The following CAMK1D variants were observed in gnomAD, a reference collection of about 807,000 sequenced individuals.
The protein encoded by CAMK1D is calcium/calmodulin dependent protein kinase ID.
In CAMK1D, 9 loss-of-function variants were observed where a neutral mutation model predicts 47.7. That is an observed-to-expected ratio of 0.19 (90% CI 0.11 to 0.33). The LOEUF is 0.33. Among genes scored for constraint, CAMK1D ranks in the 10% least tolerant of loss-of-function variants. CAMK1D has a pLI of 1.00. For synonymous variants in CAMK1D, 184 were observed against 184.9 expected (o/e 0.99, Z 0.04); for missense variants, 291 against 488.7 (o/e 0.60, Z 3.81).
intron 1 of CAMK1D, among the ~76,000 whole-genome samples, chr10:12,400,416 CTT>C (rs1338359513): frequency 2.0e-5 from 3 of 152,124 alleles, no homozygotes; most frequent in Non-Finnish European, 4.4e-5. Flanking sequence ...CTCAGTGACT[CTT>C]TTATTATTTG....
chr10:12,443,685 AGT>A (rs1265886505), intron 1 of CAMK1D, among the ~76,000 whole-genome samples: 2 of 151,946 alleles, frequency 1.3e-5, no homozygotes, highest in Non-Finnish European at 2.9e-5. Flanking sequence ...GCTGGAGTAA[AGT>A]GGAGTGATCT....
At chr10:12,376,544 C>A (rs966946058) in intron 1 of CAMK1D, among the ~76,000 whole-genome samples, 1 of 152,186 alleles carries the variant, frequency 6.6e-6, no homozygotes, top group Admixed American at 6.5e-5. Context: ...TGTGAAGGGT[C>A]TTTGTTAGTT....
At chr10:12,680,199 G>A (rs930041351) in intron 3 of CAMK1D, among the ~76,000 whole-genome samples, 12 of 152,182 alleles carry the variant, frequency 7.9e-5, no homozygotes, top group African/African-American at 2.9e-4. Flanking sequence ...AAGAGATTTG[G>A]GGGAGATCTT....
intron 1 of CAMK1D, among the ~76,000 whole-genome samples, chr10:12,372,287 G>A (rs943915980): frequency 6.6e-6 from 1 of 152,206 alleles, no homozygotes; most frequent in East Asian, 1.9e-4. Context: ...AACCTGCACA[G>A]CCATTCAATA....
chr10:12,634,289 T>C (rs72771758), intron 2 of CAMK1D, among the ~76,000 whole-genome samples: 18,264 of 152,132 alleles, frequency 0.12, 1,250 homozygotes, highest in South Asian at 0.21. Flanking sequence ...CAGTGATTCA[T>C]TGGGGAGAGA....
rs1193924926 is a variant in CAMK1D, at chr10:12,422,188, A to AT, written c.92+72284dup. On this transcript the variant is annotated intron_variant, in intron 1 of 10. Transcript: ENST00000619168. ...CCTTGGGGGCAGGTATTCAGGAGTG[A>AT]TTTTTTCATTGCTATTTGGTGGTTA... is the stretch of plus-strand genomic sequence containing the variant. Among the ~76,000 whole-genome samples the AT allele has an allele frequency of 2.6e-5, 4 of 151,958 alleles. No homozygotes were observed. The East Asian group carries it at 5.8e-4, about 22-fold the overall frequency.
intron 2 of CAMK1D, among the ~76,000 whole-genome samples, chr10:12,641,434 C>T (rs1839662272): frequency 6.6e-6 from 1 of 151,994 alleles, no homozygotes; most frequent in Non-Finnish European, 1.5e-5. Context: ...CCACTCTGGG[C>T]AACATAATGG....
intron 4 of CAMK1D, among the ~76,000 whole-genome samples, chr10:12,764,272 T>C (rs1836639281): frequency 6.7e-6 from 1 of 150,122 alleles, no homozygotes; most frequent in Non-Finnish European, 1.5e-5. Context: ...TCCCAGCTAC[T>C]CAGGAGGCTG....
chr10:12,364,118 TACTG>T (rs1439696296), intron 1 of CAMK1D, among the ~76,000 whole-genome samples: 7 of 152,120 alleles, frequency 4.6e-5, no homozygotes, highest in Admixed American at 3.9e-4. Flanking sequence ...GAGCAGCAAT[TACTG>T]ACCTCATTTA....
chr10:12,663,135 A>AT (rs932657215), intron 2 of CAMK1D, among the ~76,000 whole-genome samples: 24 of 151,484 alleles, frequency 1.6e-4, no homozygotes, highest in Admixed American at 6.6e-4. Flanking sequence ...TGATTTTTGT[A>AT]TTTTTAGTAG....
chr10:12,437,668 A>G (rs962399005), intron 1 of CAMK1D, among the ~76,000 whole-genome samples: 4 of 152,136 alleles, frequency 2.6e-5, no homozygotes, highest in African/African-American at 9.7e-5. Context: ...ACACGTCACC[A>G]TCACCCTGAG....
intron 3 of CAMK1D, among the ~76,000 whole-genome samples, chr10:12,726,142 T>G (rs1276500592): frequency 1.3e-5 from 2 of 151,918 alleles, no homozygotes; most frequent in African/African-American, 4.8e-5. Flanking sequence ...AAGGGAATAC[T>G]GGGCCGGGTG....
intron 1 of CAMK1D, among the ~76,000 whole-genome samples, chr10:12,389,722 C>A (rs184242141): frequency 6.6e-6 from 1 of 152,150 alleles, no homozygotes; most frequent in Non-Finnish European, 1.5e-5. Context: ...TAGATGAAAA[C>A]GCCCTCTCTG....
At chr10:12,827,303 C>T (rs915473178) in intron 10 of CAMK1D, among the ~76,000 whole-genome samples, 15 of 82,296 alleles carry the variant, frequency 1.8e-4, no homozygotes, top group South Asian at 7.0e-4. Context: ...TTCTTTCTCT[C>T]TCTTTTTCTT....
rs1205140483 is a variant in CAMK1D, at chr10:12,830,803, A to G, written c.*1916A>G. ...CAGTAACGCTGCTGGCTGTGTCCTC[A>G]TGCCCTCTTCCTCTGGCTGGCCAGT... On this transcript the variant is annotated 3_prime_UTR_variant, in exon 11 of 11. Coordinates refer to ENST00000619168, the MANE Select transcript of CAMK1D (RefSeq NM_153498.4). The G allele has an allele frequency of 6.6e-6, 1 of 152,532 alleles. No individual in the cohort carries two copies. The highest frequency in any genetic ancestry group is 2.4e-5 in the African/African-American group (1 of 41,412). The allele number at this position is 152,532 out of a possible 1,614,324, so 9.4% of individuals were successfully genotyped here.
intron 1 of CAMK1D, among the ~76,000 whole-genome samples, chr10:12,465,928 C>T (rs1833575898): frequency 6.6e-6 from 1 of 152,034 alleles, no homozygotes; most frequent in Non-Finnish European, 1.5e-5. Flanking sequence ...TAGGAAGAGG[C>T]CAGAAAAAGA....
chr10:12,479,142 G>A (rs1049623872), intron 1 of CAMK1D, among the ~76,000 whole-genome samples: 7 of 152,118 alleles, frequency 4.6e-5, no homozygotes, highest in Non-Finnish European at 8.8e-5. Context: ...CCCTGCCCAC[G>A]GCGCTGCTGA....
At chr10:12,503,632 A>T (rs1231461699) in intron 1 of CAMK1D, among the ~76,000 whole-genome samples, 1 of 152,304 alleles carries the variant, frequency 6.6e-6, no homozygotes, top group Non-Finnish European at 1.5e-5. Flanking sequence ...TCCACCCTTT[A>T]TGAATGAACA....
chr10:12,694,241 T>TAATATATATTATATATAATATAA (rs1554811676), intron 3 of CAMK1D, among the ~76,000 whole-genome samples: 230 of 17,204 alleles, frequency 0.013, 67 homozygotes, highest in African/African-American at 0.048. Context: ...GTATAATATA[T>TAATATATATTATATATAATATAA]AATATATATT....
Sources: allele counts gnomAD v4.1 joint callset (sites outside exome capture counted in the v4.1 genomes callset), GRCh38; gene constraint gnomAD v4.1.1; transcripts MANE v1.5; gene names NCBI Gene and HGNC (gene_info 2026-07-23, HGNC 2026-07-21).